The following NHSL2 variants were observed in gnomAD, a reference collection of about 807,000 sequenced individuals.
NHSL2 encodes NHS like 2, also known as NHS-like protein 2.
A neutral mutation model predicts 53.4 loss-of-function variants in NHSL2; 27 were observed. The ratio of observed to expected loss-of-function variants is 0.51; its 90% CI spans 0.37 to 0.70. The LOEUF (loss-of-function observed/expected upper bound fraction) is 0.70. NHSL2 is among the 30% of genes least tolerant of loss of function. NHSL2 has a pLI of 0.00. For missense variants in NHSL2, 892 were observed against 980.1 expected (o/e 0.91, Z 1.20); for synonymous variants, 408 against 404.1 (o/e 1.01, Z -0.12).
chrX:72,028,080 C>A (rs952230572), intron 1 of NHSL2, among the ~76,000 whole-genome samples: 1 of 112,164 alleles, frequency 8.9e-6, no homozygotes, highest in East Asian at 2.8e-4. Context: ...CAGATGGCAA[C>A]ATGTCCAGCC....
intron 1 of NHSL2, among the ~76,000 whole-genome samples, chrX:72,113,166 A>AT (rs956508720): frequency 7.2e-5 from 8 of 111,382 alleles, no homozygotes; most frequent in African/African-American, 2.6e-4. Flanking sequence ...AGTTCAGTTT[A>AT]TTTTTTCTTT....
chrX:72,069,685 G>C (rs1347588658), intron 1 of NHSL2: 1 of 936,509 alleles, frequency 1.1e-6, no homozygotes, highest in East Asian at 4.2e-5. Flanking sequence ...GTCCAGAGCA[G>C]AATGATGGGC....
At position 72,140,499 on chromosome X, in the gene NHSL2, GAAT is replaced by G. The variant is rs750084240; in HGVS notation, c.2952_2954del (p.Arg984_Ile985delinsSer). 5.8e-6 allele frequency: 7 copies of G among 1,208,912 alleles called. No individual in the cohort carries two copies. The highest frequency in any genetic ancestry group is 1.8e-5 in the African/African-American group (1 of 57,047). On this transcript the variant is annotated inframe_deletion, in exon 6 of 8. Coordinates refer to ENST00000633930, the MANE Select transcript of NHSL2 (RefSeq NM_001013627.3). ...CCCAAGGTGAGGGTTCTGCCTGAAAGAATTAGCCTCCAGAGCCAGGAAGAAGCT... is the reference window on the plus strand; with the variant it reads ...CCCAAGGTGAGGGTTCTGCCTGAAAGTAGCCTCCAGAGCCAGGAAGAAGCT...
chrX:72,106,700 C>T (rs1394060406), intron 1 of NHSL2, among the ~76,000 whole-genome samples: 1 of 111,956 alleles, frequency 8.9e-6, no homozygotes, highest in African/African-American at 3.3e-5. Flanking sequence ...CAATAGCAGA[C>T]TTGAAACCAA....
At chrX:72,125,745 T>C (rs2042219295) in intron 1 of NHSL2, among the ~76,000 whole-genome samples, 1 of 112,023 alleles carries the variant, frequency 8.9e-6, no homozygotes, top group Non-Finnish European at 1.9e-5. Flanking sequence ...TGGGGAGTCC[T>C]AGTGCTCACT....
chrX:72,027,330 C>A (rs1243433068), intron 1 of NHSL2, among the ~76,000 whole-genome samples: 4 of 111,297 alleles, frequency 3.6e-5, no homozygotes, highest in African/African-American at 9.8e-5. Context: ...TTGCCTTCCC[C>A]CCATCTTTTG....
chrX:71,981,092 C>A (rs762613197), intron 1 of NHSL2, among the ~76,000 whole-genome samples: 6 of 112,254 alleles, frequency 5.3e-5, no homozygotes, highest in Non-Finnish European at 9.4e-5. Flanking sequence ...AGTTGTATAT[C>A]TTTGTAACCT....
chrX:72,121,069 A>C (rs2042177738), intron 1 of NHSL2, among the ~76,000 whole-genome samples: 1 of 112,672 alleles, frequency 8.9e-6, no homozygotes, highest in African/African-American at 3.2e-5. Flanking sequence ...GAATGGGAAC[A>C]GAGGCAAGTT....
chrX:72,037,396 C>A (rs1356557806), intron 1 of NHSL2, among the ~76,000 whole-genome samples: 3 of 109,235 alleles, frequency 2.7e-5, no homozygotes, highest in Non-Finnish European at 5.7e-5. Context: ...GCACTCCAGC[C>A]TGAGCAACAA....
intron 1 of NHSL2, among the ~76,000 whole-genome samples, chrX:72,063,493 G>A (rs2042410817): frequency 8.9e-6 from 1 of 112,134 alleles, no homozygotes; most frequent in African/African-American, 3.2e-5. Context: ...ACCATGCCCA[G>A]GACTACAGAA....
chrX:72,097,032 C>T (rs1283349597), intron 1 of NHSL2, among the ~76,000 whole-genome samples: 2 of 112,418 alleles, frequency 1.8e-5, no homozygotes, highest in Non-Finnish European at 3.8e-5. Flanking sequence ...CTTCCTAGCC[C>T]TCCAATTTTT....
chrX:72,101,185 C>T (rs1011953138), intron 1 of NHSL2, among the ~76,000 whole-genome samples: 1 of 111,170 alleles, frequency 9.0e-6, no homozygotes, highest in African/African-American at 3.3e-5. Flanking sequence ...CCCAGAGCCA[C>T]TGTGCTCCTG....
At chrX:72,125,721 A>C (rs10856126) in intron 1 of NHSL2, among the ~76,000 whole-genome samples, 66,189 of 110,518 alleles carry the variant, frequency 0.6, 16,679 homozygotes, top group Non-Finnish European at 0.79. Context: ...CTTGTCAGGC[A>C]CCCTGAAGAG....
At chrX:72,034,336 G>A (rs2042230443) in intron 1 of NHSL2, among the ~76,000 whole-genome samples, 1 of 112,144 alleles carries the variant, frequency 8.9e-6, no homozygotes, top group African/African-American at 3.2e-5. Flanking sequence ...ATTTGCTAAT[G>A]TTTTTAAAAC....
chrX:71,955,498 A>T (rs964125037), intron 1 of NHSL2, among the ~76,000 whole-genome samples: 2 of 109,377 alleles, frequency 1.8e-5, no homozygotes, highest in African/African-American at 6.7e-5. Context: ...CCAGCACGAG[A>T]GTTATTTGTG....
rs192838950 is a variant in NHSL2, at chrX:71,960,419, T to C, written c.280+49052T>C. 1.8e-3 allele frequency among the ~76,000 whole-genome samples: 200 copies of C among 112,628 alleles called. 1 individual carries two copies. The highest frequency in any genetic ancestry group is 6.1e-3 in the African/African-American group (190 of 31,105). On this transcript the variant is annotated intron_variant, in intron 1 of 7. Coordinates refer to ENST00000633930, the MANE Select transcript of NHSL2 (RefSeq NM_001013627.3). ...TTCTTTTGTTGCTTATGCTTTTTAC[T>C]TCTTTTGTTGCTTATGCTTTTGGTA...
chrX:72,132,309 AAG>A (rs2042314222), intron 2 of NHSL2, 75 bp downstream of exon 2: 2 of 929,770 alleles, frequency 2.2e-6, no homozygotes, highest in East Asian at 7.1e-5. Flanking sequence ...GCAAAGAAGA[AAG>A]AGGACAGGGA....
intron 1 of NHSL2, among the ~76,000 whole-genome samples, chrX:71,970,739 G>T: frequency 1.0e-5 from 1 of 98,472 alleles, no homozygotes. Flanking sequence ...TTCTTGCTTT[G>T]AATTTAGTTT....
intron 1 of NHSL2, among the ~76,000 whole-genome samples, chrX:71,960,578 A>G (rs138845517): frequency 0.022 from 2,486 of 112,082 alleles, 72 homozygotes; most frequent in African/African-American, 0.077. Context: ...TAGGAATCCA[A>G]CTTTATCCTT....
Sources: gnomAD v4.1 joint callset for allele counts (sites outside exome capture counted in the v4.1 genomes callset) on GRCh38, gnomAD v4.1.1 for gene constraint, MANE v1.5 for transcripts, NCBI Gene and HGNC (gene_info 2026-07-23, HGNC 2026-07-21) for gene names.